The following SLC35F4 variants were observed in gnomAD, a reference collection of about 807,000 sequenced individuals.
SLC35F4 encodes chromosome 14 open reading frame 36.
Under a neutral mutation model 44.2 loss-of-function variants are expected in SLC35F4, and 24 were observed. The ratio of observed to expected loss-of-function variants is 0.54; its 90% confidence interval spans 0.39 to 0.76. SLC35F4 has a LOEUF of 0.76. Among genes scored for constraint, SLC35F4 ranks in the 30% least tolerant of loss-of-function variants. The pLI, the probability that SLC35F4 is intolerant of heterozygous loss-of-function variation, is 0.00. For synonymous variants in SLC35F4, 238 were observed against 223.6 expected, an observed-to-expected ratio of 1.06 and a Z score of -0.57; for missense variants, 562 against 586.1, an observed-to-expected ratio of 0.96 and a Z score of 0.42.
chr14:57,869,015 T>A (rs543422803), upstream of SLC35F4, among the ~76,000 whole-genome samples: 26 of 152,324 alleles, frequency 1.7e-4, no homozygotes, highest in African/African-American at 6.0e-4. Context: ...TTCGATTTGT[T>A]ATAAAACAAA....
At chr14:57,744,400 A>G (rs569063841) in intron 1 of SLC35F4, among the ~76,000 whole-genome samples, 135 of 152,298 alleles carry the variant, frequency 8.9e-4, no homozygotes, top group African/African-American at 3.1e-3. Context: ...AAATCAATGT[A>G]CAAAAATCAC....
At chr14:57,588,398 G>A (rs953928861) in intron 3 of SLC35F4, among the ~76,000 whole-genome samples, 2 of 150,498 alleles carry the variant, frequency 1.3e-5, no homozygotes, top group African/African-American at 4.9e-5. Flanking sequence ...TTTCCTAGAA[G>A]TCACTTCTCA....
At chr14:57,601,486 C>T (rs1204714413) in intron 1 of SLC35F4, among the ~76,000 whole-genome samples, 1 of 152,090 alleles carries the variant, frequency 6.6e-6, no homozygotes, top group Non-Finnish European at 1.5e-5. Flanking sequence ...TAGTAGTCCC[C>T]AATGTCTATT....
chr14:57,584,863 T>C (rs2069576328), intron 3 of SLC35F4, among the ~76,000 whole-genome samples: 1 of 152,186 alleles, frequency 6.6e-6, no homozygotes. Context: ...GTCTAAACCA[T>C]GGAAGCATTC....
rs142616453 is a variant in SLC35F4 at position 57,565,756 on chromosome 14, A to C, written c.1216+719T>G. ...TTCTTTTACAAATTCAGCCATAAGC[A>C]TTTTAAGAGAATAATAATGTATTTT... On this transcript the variant is annotated intron_variant, in intron 7 of 7. Transcript: ENST00000556826. 4.1e-4 allele frequency among the ~76,000 whole-genome samples: 63 copies of C among 152,334 alleles called. No individual in the cohort carries two copies. The East Asian group carries it at 4.4e-3, about 11-fold the overall frequency.
intron 1 of SLC35F4, among the ~76,000 whole-genome samples, chr14:57,773,321 A>G (rs1485474706): frequency 6.6e-6 from 1 of 152,238 alleles, no homozygotes; most frequent in African/African-American, 2.4e-5. Flanking sequence ...ACACATATAC[A>G]TAACTCACCA....
At chr14:57,755,717 A>C (rs919599185) in intron 1 of SLC35F4, among the ~76,000 whole-genome samples, 89 of 135,998 alleles carry the variant, frequency 6.5e-4, no homozygotes, top group African/African-American at 2.1e-3. Context: ...CTTATGCTTC[A>C]TAGTTTACTG....
intron 1 of SLC35F4, among the ~76,000 whole-genome samples, chr14:57,712,614 G>T (rs1213897860): frequency 2.0e-5 from 3 of 152,106 alleles, no homozygotes; most frequent in Admixed American, 1.3e-4. Context: ...ACCCTGGGGG[G>T]AATTTATACC....
At chr14:57,923,761 T>G (rs1371572562) in intron 1 of SLC35F4, among the ~76,000 whole-genome samples, 1 of 152,250 alleles carries the variant, frequency 6.6e-6, no homozygotes, top group Non-Finnish European at 1.5e-5. Context: ...GCTACCCATC[T>G]GAGGATTCTC....
intron 1 of SLC35F4, among the ~76,000 whole-genome samples, chr14:57,758,697 G>C (rs1042286558): frequency 6.6e-6 from 1 of 150,694 alleles, no homozygotes; most frequent in Admixed American, 6.6e-5. Context: ...TTTAAGCGTG[G>C]TAATCTTTGA....
intron 1 of SLC35F4, among the ~76,000 whole-genome samples, chr14:57,925,849 T>C (rs1845258498): frequency 6.6e-6 from 1 of 152,164 alleles, no homozygotes; most frequent in Non-Finnish European, 1.5e-5. Context: ...TTCACTCTTG[T>C]CACCACCATC....
intron 1 of SLC35F4, among the ~76,000 whole-genome samples, chr14:57,895,938 T>C (rs1345285488): frequency 1.3e-5 from 2 of 152,122 alleles, no homozygotes; most frequent in African/African-American, 4.8e-5. Flanking sequence ...TAGTAATTTA[T>C]ACAATTTTCT....
intron 1 of SLC35F4, among the ~76,000 whole-genome samples, chr14:57,763,206 A>T (rs1281161358): frequency 6.6e-6 from 1 of 152,118 alleles, no homozygotes; most frequent in East Asian, 1.9e-4. Flanking sequence ...TCCTTTTGAA[A>T]CTTTTTGTAA....
chr14:57,810,878 TA>T (rs1394001263), intron 1 of SLC35F4, among the ~76,000 whole-genome samples: 1 of 152,242 alleles, frequency 6.6e-6, no homozygotes, highest in Non-Finnish European at 1.5e-5. Context: ...ATAATTCCTC[TA>T]AGGCAGATGA....
chr14:57,588,185 A>AAGAT (rs766603576), intron 3 of SLC35F4, among the ~76,000 whole-genome samples: 6 of 152,220 alleles, frequency 3.9e-5, no homozygotes, highest in East Asian at 1.9e-4. Context: ...ATGGAATTTG[A>AAGAT]AGATAGACCC....
chr14:57,769,395 A>G (rs2077308067), intron 1 of SLC35F4, among the ~76,000 whole-genome samples: 1 of 152,184 alleles, frequency 6.6e-6, no homozygotes, highest in Non-Finnish European at 1.5e-5. Context: ...CTCTGAAAAA[A>G]AGACATGCCA....
intron 1 of SLC35F4, among the ~76,000 whole-genome samples, chr14:57,960,043 G>C (rs1184760946): frequency 6.6e-6 from 1 of 152,198 alleles, no homozygotes; most frequent in East Asian, 1.9e-4. Flanking sequence ...CAGTCTGCCT[G>C]AGGGGGACAA....
chr14:57,707,239 G>A (rs1255303434), intron 1 of SLC35F4, among the ~76,000 whole-genome samples: 1 of 152,190 alleles, frequency 6.6e-6, no homozygotes, highest in Admixed American at 6.6e-5. Flanking sequence ...AGAGCTGCAA[G>A]CATGATAATG....
chr14:57,765,385 C>T (rs574113422), intron 1 of SLC35F4, among the ~76,000 whole-genome samples: 5 of 152,288 alleles, frequency 3.3e-5, no homozygotes, highest in African/African-American at 7.2e-5. Flanking sequence ...TACAGGTTCC[C>T]GTCAGTCAGA....
Sources: gnomAD v4.1 joint callset for allele counts (sites outside exome capture counted in the v4.1 genomes callset) on GRCh38, gnomAD v4.1.1 for gene constraint, MANE v1.5 for transcripts, NCBI Gene and HGNC (gene_info 2026-07-23, HGNC 2026-07-21) for gene names.